The following PLG variants were observed in gnomAD, a reference collection of about 807,000 sequenced individuals.
PLG encodes plasminogen, also known as plasmin.
PLG carries 41 observed loss-of-function variants against 104.4 expected under a neutral mutation model. That is an observed-to-expected ratio of 0.39 (90% CI 0.31 to 0.51). The LOEUF (loss-of-function observed/expected upper bound fraction) is 0.51. PLG is among the 20% of genes least tolerant of loss of function. The pLI is 0.76. For synonymous variants in PLG, 337 were observed against 357.1 expected, an observed-to-expected ratio of 0.94 and a Z score of 0.63; for missense variants, 891 against 1,003.6, an observed-to-expected ratio of 0.89 and a Z score of 1.52.
Position 160,734,053 on chromosome 6 carries a change from G to T in PLG, c.1646G>T (p.Arg549Ile), listed in dbSNP as rs1432666633. 10 of 1,610,736 alleles carry T rather than the reference G, an allele frequency of 6.2e-6. No homozygotes were observed. Among genetic ancestry groups the T allele is most frequent in the Middle Eastern group, 1.7e-4 (1 of 6,054 alleles). The change falls in exon 13 of 19, where the codon AGA (arginine) becomes ATA (isoleucine). Residue 549 changes from arginine (R) to isoleucine (I), a missense_variant. By Grantham distance (97) the Arg-to-Ile change is moderately conservative. Around this residue, in one of 2 missense-constraint regions of PLG, gnomAD observed 854 missense variants for 932.1 expected, o/e 0.92. Transcript: ENST00000308192. This position sits in a 1 kb window ranked among gnomAD's most constrained non-coding sequence, Gnocchi z 4.4. ...GGPWCYTTNP[R>I]KLYDYCDVPQ... ...CCCTGGTGCTACACGACAAATCCAA[G>T]AAAACTTTACGACTACTGTGATGTC...
Position 160,711,965 on chromosome 6 carries a change from T to A in PLG, c.407+774T>A. ...CAGTTTGGTGTTAGGTGGCATTAAG[T>A]TCTCAGTAATGACGCTTATCAAATA... On this transcript the variant is annotated intron_variant, in intron 4 of 18. Coordinates refer to ENST00000308192, the MANE Select transcript of PLG (RefSeq NM_000301.5). The A allele has an allele frequency of 3.2e-6, 4 of 1,235,890 alleles. No individual in the cohort carries two copies. In the South Asian group the frequency reaches 6.8e-5, roughly 21 times the overall value. 76.6% of individuals were successfully genotyped at this position (1,235,890 alleles called of 1,614,324 possible).
rs1259152594 is a variant in PLG at position 160,739,516 on chromosome 6, T to C, written c.2018+308T>C. Among the ~76,000 whole-genome samples, 1 of 152,184 alleles carries C rather than the reference T, an allele frequency of 6.6e-6. No individual in the cohort carries two copies. The highest frequency in any genetic ancestry group is 6.5e-5 in the Admixed American group (1 of 15,280). On this transcript the variant is annotated intron_variant, in intron 16 of 18. Coordinates refer to ENST00000308192, the MANE Select transcript of PLG (RefSeq NM_000301.5). The surrounding 1 kb of genome is among the most constrained non-coding windows in gnomAD (Gnocchi z 4.4). ...CATTCATGATCAGAGAACGATTCAG[T>C]TATTCCAGGCTGACAATTCCCCCTT... is the stretch of plus-strand genomic sequence containing the variant.
In PLG at chr6:160,741,587, A is replaced by T. The variant is rs112705781; in HGVS notation, c.2125+170A>T. On this transcript the variant is annotated intron_variant, in intron 17 of 18. Coordinates refer to ENST00000308192, the MANE Select transcript of PLG (RefSeq NM_000301.5). This position sits in a 1 kb window ranked among gnomAD's most constrained non-coding sequence, Gnocchi z 4.7. Reference sequence around the variant, plus strand: ...ATGTCTTAATCAGTCTTCAAGGCACATGATCAAAGGGAGGAAAACTGTGTC... The same window carrying T: ...ATGTCTTAATCAGTCTTCAAGGCACTTGATCAAAGGGAGGAAAACTGTGTC... 6.6e-5 allele frequency among the ~76,000 whole-genome samples: 10 copies of T among 152,344 alleles called. No homozygotes were observed. The highest frequency in any genetic ancestry group is 2.4e-4 in the African/African-American group (10 of 41,580).
Position 160,716,684 on chromosome 6 carries a change from C to A in PLG, c.708C>A (p.Asn236Lys). 6.2e-7 allele frequency: 1 copy of A among 1,613,436 alleles called. No individual in the cohort carries two copies. The highest frequency in any genetic ancestry group is 8.5e-7 in the Non-Finnish European group (1 of 1,179,356). ...NKNLKKNYCRNPDRELRPWCF... is the reference protein window; with the variant it reads ...NKNLKKNYCRKPDRELRPWCF... ...ACCTGAAGAAGAATTACTGTCGTAA[C>A]CCCGATAGGGAGCTGCGGCCTTGGT... The change falls in exon 7 of 19, where the codon AAC (asparagine) becomes AAA (lysine). Residue 236 changes from asparagine (N) to lysine (K), a missense_variant. Physicochemically the swap from Asn to Lys is moderately conservative, Grantham distance 94. Around this residue, in one of 2 missense-constraint regions of PLG, gnomAD observed 854 missense variants for 932.1 expected, o/e 0.92. Coordinates refer to ENST00000308192, the MANE Select transcript of PLG (RefSeq NM_000301.5).
At position 160,716,562 on chromosome 6, in the gene PLG, G is replaced by A. The variant is rs1327935649; in HGVS notation, c.669-83G>A. 1.6e-5 allele frequency: 14 copies of A among 855,390 alleles called. No homozygotes were observed. In the East Asian group the frequency reaches 3.2e-4, roughly 19 times the overall value. The allele number at this position is 855,390 out of a possible 1,614,324, so 53.0% of individuals were successfully genotyped here. On this transcript the variant is annotated intron_variant, in intron 6 of 18. Coordinates refer to ENST00000308192, the MANE Select transcript of PLG (RefSeq NM_000301.5). ...CCCGACTGTGCCTAGCACACAGCAG[G>A]TGCTCAATGTTTGCTCTTGAAAAAG...
At chr6:160,714,960 C>T in intron 6 of PLG, 46 bp downstream of exon 6, 2 of 1,575,424 alleles carry the variant, frequency 1.3e-6, no homozygotes, top group South Asian at 1.1e-5. Flanking sequence ...TAAGGCTCTG[C>T]AGCTCTATCA....
chr6:160,708,040 A>T, intron 3 of PLG: 1 of 463,308 alleles, frequency 2.2e-6, no homozygotes, highest in South Asian at 2.3e-5. Flanking sequence ...GATTAGATTT[A>T]CAAAATCACT....
rs1395443775 is a variant in PLG, at chr6:160,737,425, C to T, written c.1802+418C>T. 6.6e-6 allele frequency among the ~76,000 whole-genome samples: 1 copy of T among 152,194 alleles called. No homozygotes were observed. Among genetic ancestry groups the T allele is most frequent in the Non-Finnish European group, 1.5e-5 (1 of 68,042 alleles). ...GGACAAAATTATCTCCAGTCTATCA[C>T]AGGCACAGATTCTTTTTCTTTGGAC... On this transcript the variant is annotated intron_variant, in intron 14 of 18. Coordinates refer to ENST00000308192, the MANE Select transcript of PLG (RefSeq NM_000301.5). This position sits in a 1 kb window ranked among gnomAD's most constrained non-coding sequence, Gnocchi z 4.7.
At chr6:160,747,837 C>T (rs928347810) in intron 17 of PLG, among the ~76,000 whole-genome samples, 1 of 152,200 alleles carries the variant, frequency 6.6e-6, no homozygotes, top group African/African-American at 2.4e-5. Context: ...TGCCAGGCTG[C>T]TCCCAGTGTT....
rs1324018260 is a variant in PLG, at chr6:160,739,681, A to G, written c.2018+473A>G. 1.3e-5 allele frequency among the ~76,000 whole-genome samples: 2 copies of G among 151,050 alleles called. No individual in the cohort carries two copies. The highest frequency in any genetic ancestry group is 1.3e-4 in the Admixed American group (2 of 15,104). ...GAGGCTGAGGCAGGAGGGTCACTTGAGTCCCGGAGTTTGAGGCTGCAGTGA... is the reference window on the plus strand; with the variant it reads ...GAGGCTGAGGCAGGAGGGTCACTTGGGTCCCGGAGTTTGAGGCTGCAGTGA... On this transcript the variant is annotated intron_variant, in intron 16 of 18. Transcript: ENST00000308192. The surrounding 1 kb of genome is among the most constrained non-coding windows in gnomAD (Gnocchi z 4.4).
chr6:160,702,948 G>A (rs946530326), intron 1 of PLG, among the ~76,000 whole-genome samples: 1 of 152,162 alleles, frequency 6.6e-6, no homozygotes, highest in Non-Finnish European at 1.5e-5. Context: ...TCAGTTGCTT[G>A]GGTTAGGTCC....
rs1382978802 is a variant in PLG at position 160,719,673 on chromosome 6, G to A, written c.1096+835G>A. On this transcript the variant is annotated intron_variant, in intron 9 of 18. Transcript: ENST00000308192. The surrounding 1 kb of genome is among the most constrained non-coding windows in gnomAD (Gnocchi z 4.1). Reference sequence around the variant, plus strand: ...AGTAAATTAATTTTTAATGGTTTTAGTATTTTCCACAATGTTTATAATATA... The same window carrying A: ...AGTAAATTAATTTTTAATGGTTTTAATATTTTCCACAATGTTTATAATATA... Among the ~76,000 whole-genome samples, 1 of 151,926 alleles carries A rather than the reference G, an allele frequency of 6.6e-6. No homozygotes were observed. The highest frequency in any genetic ancestry group is 1.9e-4 in the East Asian group (1 of 5,180).
Position 160,716,623 on chromosome 6 carries a change from A to G in PLG, c.669-22A>G, listed in dbSNP as rs988661886. ...ATGAATGTAAATGTTCAGTGCTACTAAAATCTTTCTTGTCCATTCAGATTT... is the reference window on the plus strand; with the variant it reads ...ATGAATGTAAATGTTCAGTGCTACTGAAATCTTTCTTGTCCATTCAGATTT... On this transcript the variant is annotated intron_variant, in intron 6 of 18. Coordinates refer to ENST00000308192, the MANE Select transcript of PLG (RefSeq NM_000301.5). The G allele has an allele frequency of 3.0e-6, 4 of 1,349,496 alleles. No homozygotes were observed. In the African/African-American group the frequency reaches 5.7e-5, roughly 19 times the overall value. The allele number at this position is 1,349,496 out of a possible 1,614,324, so 83.6% of individuals were successfully genotyped here.
At chr6:160,706,746 G>T (rs1294274719) in intron 2 of PLG, among the ~76,000 whole-genome samples, 1 of 152,046 alleles carries the variant, frequency 6.6e-6, no homozygotes, top group East Asian at 1.9e-4. Flanking sequence ...TACCCTCAAA[G>T]GAAGTTATTT....
At chr6:160,720,405 C>CTT (rs1190930860) in intron 9 of PLG, among the ~76,000 whole-genome samples, 48 of 61,810 alleles carry the variant, frequency 7.8e-4, no homozygotes, top group African/African-American at 2.4e-3. Flanking sequence ...TTTTTCTTTT[C>CTT]TTTTCTTTTT....
In PLG at chr6:160,703,974, TG is replaced by T; in HGVS notation, c.49+1623del. Among the ~76,000 whole-genome samples the T allele has an allele frequency of 3.9e-5, 6 of 152,320 alleles. 1 individual carries two copies. The South Asian group carries it at 1.2e-3, about 32-fold the overall frequency. On this transcript the variant is annotated intron_variant, in intron 1 of 18. Coordinates refer to ENST00000308192, the MANE Select transcript of PLG (RefSeq NM_000301.5). The stretch of plus-strand genomic sequence containing the variant: ...TTTTACAGCCATGCTTAGTGGGAAG[TG>T]GAGAAACATCTTCCATTTCACAAAT...
Position 160,752,107 on chromosome 6 carries a change from A to G in PLG, c.2126-8A>G. The G allele has an allele frequency of 6.2e-7, 1 of 1,612,722 alleles. No homozygotes were observed. Among genetic ancestry groups the G allele is most frequent in the Non-Finnish European group, 8.5e-7 (1 of 1,178,812 alleles). ...CAGTTGCCATTTCTTTCATCTTTTT[A>G]AACACAGGTACTTTTGGAGCTGGCC... On this transcript the variant is annotated splice_polypyrimidine_tract_variant and splice_region_variant and intron_variant, in intron 17 of 18. Coordinates refer to ENST00000308192, the MANE Select transcript of PLG (RefSeq NM_000301.5). The surrounding 1 kb of genome is among the most constrained non-coding windows in gnomAD (Gnocchi z 4.7).
intron 17 of PLG, among the ~76,000 whole-genome samples, chr6:160,749,166 T>C (rs1330708938): frequency 1.3e-5 from 2 of 152,234 alleles, no homozygotes; most frequent in Admixed American, 6.5e-5. Flanking sequence ...CTTGTGAGAT[T>C]GAGCAGTTAG....
rs1777525302 is a variant in PLG at position 160,706,437 on chromosome 6, A to G, written c.80A>G (p.Asn27Ser). Residue 27 changes from asparagine to serine, a missense_variant, in exon 2 of 19, where the codon AAT becomes AGT. Physicochemically the swap from Asn to Ser is conservative, Grantham distance 46. Coordinates refer to ENST00000308192, the MANE Select transcript of PLG (RefSeq NM_000301.5). ...GQGEPLDDYV[N>S]TQGASLFSVT... is the part of the protein sequence containing the mutation. ...GGAGAGCCTCTGGATGACTATGTGA[A>G]TACCCAGGGGGCTTCACTGTTCAGT... 2 of 1,613,510 alleles carry G rather than the reference A, an allele frequency of 1.2e-6. No individual in the cohort carries two copies. The highest frequency in any genetic ancestry group is 1.7e-5 in the Admixed American group (1 of 60,002).
Sources: gnomAD v4.1 joint callset for allele counts (sites outside exome capture counted in the v4.1 genomes callset) on GRCh38, gnomAD v4.1.1 for gene constraint, gnomAD v4.1.1 regional missense constraint, Gnocchi (gnomAD v3.1) non-coding constraint, MANE v1.5 for transcripts, NCBI Gene and HGNC (gene_info 2026-07-23, HGNC 2026-07-21) for gene names.